XKR9: variants seen among roughly 807,000 people sequenced by gnomAD.
The protein encoded by XKR9 is XK related 9.
A neutral mutation model predicts 32.0 loss-of-function variants in XKR9; 32 were observed. The ratio of observed to expected loss-of-function variants is 1.00; its 90% CI spans 0.76 to 1.34. The LOEUF (loss-of-function observed/expected upper bound fraction) is 1.34. Ranked by LOEUF, XKR9 falls within the 40% of genes most tolerant of loss-of-function variation. The pLI, the probability that XKR9 is intolerant of heterozygous loss-of-function variation, is 0.00. For synonymous variants in XKR9, 168 were observed against 143.4 expected (o/e 1.17, Z -1.22); for missense variants, 546 against 429.7 (o/e 1.27, Z -2.39).
At chr8:70,800,606 C>T in the XKR9 span, among the ~76,000 whole-genome samples, 1 of 152,156 alleles carries the variant, frequency 6.6e-6, no homozygotes, top group African/African-American at 2.4e-5. Flanking sequence ...TTGCCTCAGC[C>T]TCCCAAGTAG....
chr8:71,015,894 A>T, the XKR9 span, among the ~76,000 whole-genome samples: 1 of 152,200 alleles, frequency 6.6e-6, no homozygotes, highest in Non-Finnish European at 1.5e-5. Context: ...ATACTTTACA[A>T]TGAAAGGCTG....
At chr8:70,794,152 G>A (rs1022759252), downstream of XKR9, among the ~76,000 whole-genome samples, 1 of 151,912 alleles carries the variant, frequency 6.6e-6, no homozygotes. Flanking sequence ...TCACTTTTAG[G>A]TTGTTCATTG....
downstream of XKR9, among the ~76,000 whole-genome samples, chr8:70,736,637 C>G (rs1260381972): frequency 6.7e-6 from 1 of 150,042 alleles, no homozygotes; most frequent in Non-Finnish European, 1.5e-5. Context: ...CTTGAATTAA[C>G]TTTTGTATAA....
the XKR9 span, among the ~76,000 whole-genome samples, chr8:71,052,486 T>C: frequency 6.6e-6 from 1 of 152,158 alleles, no homozygotes. Flanking sequence ...AATCCAGGAC[T>C]CTGACATTAT....
chr8:70,944,029 G>C, the XKR9 span, among the ~76,000 whole-genome samples: 1 of 152,102 alleles, frequency 6.6e-6, no homozygotes, highest in Non-Finnish European at 1.5e-5. Flanking sequence ...CTAAGTGTCA[G>C]ATGGTTTACA....
chr8:71,039,443 A>G, the XKR9 span, among the ~76,000 whole-genome samples: 1 of 152,204 alleles, frequency 6.6e-6, no homozygotes, highest in African/African-American at 2.4e-5. Context: ...AATTTATTGA[A>G]TGCTGTACTG....
At chr8:70,837,294 C>T in the XKR9 span, among the ~76,000 whole-genome samples, 2 of 151,980 alleles carry the variant, frequency 1.3e-5, no homozygotes, top group Non-Finnish European at 2.9e-5. Context: ...AGCAAGTGCT[C>T]AATGAATGTT....
chr8:71,001,670 G>A, the XKR9 span, among the ~76,000 whole-genome samples: 48,475 of 152,060 alleles, frequency 0.32, 9,057 homozygotes, highest in Non-Finnish European at 0.43. Context: ...TTAGCATTTA[G>A]CTGTACTAGG....
At chr8:70,960,889 A>AGAAG in the XKR9 span, among the ~76,000 whole-genome samples, 1 of 148,036 alleles carries the variant, frequency 6.8e-6, no homozygotes, top group Non-Finnish European at 1.5e-5. Flanking sequence ...AAAAAAAAAA[A>AGAAG]GAAGGAAAGG....
intron 2 of XKR9, among the ~76,000 whole-genome samples, chr8:70,751,945 C>T (rs755065489): frequency 1.2e-4 from 18 of 152,162 alleles, no homozygotes; most frequent in Non-Finnish European, 1.5e-4. Context: ...TAATGAAGCC[C>T]GTCTCATGTA....
chr8:70,812,526 T>C, the XKR9 span, among the ~76,000 whole-genome samples: 1 of 152,208 alleles, frequency 6.6e-6, no homozygotes, highest in African/African-American at 2.4e-5. Context: ...ATGACATGAT[T>C]GTATATCTAG....
the XKR9 span, among the ~76,000 whole-genome samples, chr8:70,901,108 T>G: frequency 2.0e-5 from 3 of 152,282 alleles, no homozygotes; most frequent in South Asian, 2.1e-4. Flanking sequence ...GAATAGTGCT[T>G]CAATAAACAT....
chr8:70,681,175 T>G lies in XKR9; in HGVS notation c.117T>G (p.Val39=), dbSNP rs1819067229. The change falls in exon 3 of 5, where the codon GTT becomes GTG. Residue 39 remains valine, a synonymous_variant. Transcript: ENST00000408926. ...GATTTTTCCATGAAGGACAGTATGT[T>G]TTTAGTGCTTTAGCGTTAAGCTTTA... The part of the protein sequence containing the change: ...SVRFFHEGQY[V]FSALALSFML... The G allele has an allele frequency of 2.5e-6, 4 of 1,613,470 alleles. No homozygotes were observed. In the African/African-American group the frequency reaches 4.0e-5, roughly 16 times the overall value.
chr8:70,938,053 G>A, the XKR9 span, among the ~76,000 whole-genome samples: 3 of 151,952 alleles, frequency 2.0e-5, no homozygotes, highest in African/African-American at 7.3e-5. Context: ...AAAACAACAG[G>A]TTAAAGTGGC....
chr8:70,749,725 C>A (rs35960437), intron 2 of XKR9, among the ~76,000 whole-genome samples: 2 of 151,854 alleles, frequency 1.3e-5, no homozygotes, highest in East Asian at 1.9e-4. Context: ...GGAACGAACC[C>A]AGCAGGTGCA....
At chr8:70,939,197 A>G in the XKR9 span, among the ~76,000 whole-genome samples, 2 of 152,226 alleles carry the variant, frequency 1.3e-5, no homozygotes, top group East Asian at 1.9e-4. Flanking sequence ...TCCTGTAAGC[A>G]TCTTGTACCT....
the XKR9 span, among the ~76,000 whole-genome samples, chr8:70,948,296 C>T: frequency 6.6e-6 from 1 of 152,198 alleles, no homozygotes; most frequent in African/African-American, 2.4e-5. Flanking sequence ...TCCTACCTGC[C>T]TGCATTAGCT....
chr8:70,814,192 G>A, the XKR9 span, among the ~76,000 whole-genome samples: 8 of 151,950 alleles, frequency 5.3e-5, no homozygotes, highest in Non-Finnish European at 8.8e-5. Flanking sequence ...CTATCGCAAG[G>A]ACAAAAAACC....
chr8:70,741,057 G>T (rs1586877982), intron 2 of XKR9, among the ~76,000 whole-genome samples: 1 of 152,366 alleles, frequency 6.6e-6, no homozygotes, highest in East Asian at 1.9e-4. Flanking sequence ...GTTTGTCTGT[G>T]CCCTGCCCCC....
Sources: gnomAD v4.1 joint callset for allele counts (sites outside exome capture counted in the v4.1 genomes callset) on GRCh38, gnomAD v4.1.1 for gene constraint, MANE v1.5 for transcripts, NCBI Gene and HGNC (gene_info 2026-07-23, HGNC 2026-07-21) for gene names.